The following WWTR1 variants were observed in gnomAD, a reference collection of about 807,000 sequenced individuals.
The protein encoded by WWTR1 is WW domain containing transcription regulator 1.
Under a neutral mutation model 40.1 loss-of-function variants are expected in WWTR1, and 13 were observed. The observed-to-expected ratio is 0.32, with a 90% CI of 0.21 to 0.52. The LOEUF is 0.52. Among genes scored for constraint, WWTR1 ranks in the 20% least tolerant of loss-of-function variants. The pLI is 0.97. For missense variants in WWTR1, 436 were observed against 523.1 expected, an observed-to-expected ratio of 0.83 and a Z score of 1.63; for synonymous variants, 230 against 210.1, an observed-to-expected ratio of 1.09 and a Z score of -0.82.
chr3:149,702,159 T>C (rs1198034214), intron 1 of WWTR1: 1 of 156,900 alleles, frequency 6.4e-6, no homozygotes, highest in Non-Finnish European at 1.4e-5. Context: ...TGAAAGGTGA[T>C]TTGCTGGGCT....
chr3:149,669,796 T>C (rs1384284548), exon 2 of WWTR1: 3 of 152,100 alleles, frequency 2.0e-5, no homozygotes. Flanking sequence ...ACCTGGAAAA[T>C]CACTAGTAAG....
intron 6 of WWTR1, among the ~76,000 whole-genome samples, chr3:149,521,379 G>C (rs939902035): frequency 6.6e-6 from 1 of 152,128 alleles, no homozygotes; most frequent in Non-Finnish European, 1.5e-5. Context: ...CCTTCTTTAT[G>C]TTCAAAGAGA....
At chr3:149,640,418 T>C (rs59355492) in intron 2 of WWTR1, among the ~76,000 whole-genome samples, 2,529 of 152,066 alleles carry the variant, frequency 0.017, 72 homozygotes, top group African/African-American at 0.058. Flanking sequence ...CAATATAGAT[T>C]GGTTTTGTTT....
At chr3:149,650,960 G>A (rs925837963) in intron 2 of WWTR1, among the ~76,000 whole-genome samples, 6 of 152,164 alleles carry the variant, frequency 3.9e-5, no homozygotes, top group African/African-American at 1.2e-4. Flanking sequence ...TTCTGATTTT[G>A]GCTGGGTAAA....
intron 4 of WWTR1, among the ~76,000 whole-genome samples, chr3:149,541,936 A>G (rs746002998): frequency 2.6e-5 from 4 of 152,194 alleles, no homozygotes; most frequent in Non-Finnish European, 4.4e-5. Context: ...GTAGAGCAGA[A>G]GAATATCCCA....
intron 1 of WWTR1, among the ~76,000 whole-genome samples, chr3:149,684,117 TAA>T (rs1372308395): frequency 6.6e-6 from 1 of 152,172 alleles, no homozygotes; most frequent in Non-Finnish European, 1.5e-5. Flanking sequence ...GGTGTAGAAA[TAA>T]TAAAGGTATT....
At chr3:149,616,549 TCTC>T (rs1165782318) in intron 2 of WWTR1, among the ~76,000 whole-genome samples, 2 of 151,974 alleles carry the variant, frequency 1.3e-5, no homozygotes, top group African/African-American at 4.8e-5. Context: ...TTCAAGCAAT[TCTC>T]CTGCCTCAGC....
intron 1 of WWTR1, among the ~76,000 whole-genome samples, chr3:149,693,574 C>T (rs999166296): frequency 6.6e-6 from 1 of 152,152 alleles, no homozygotes; most frequent in Non-Finnish European, 1.5e-5. Context: ...TACTTGACTT[C>T]AAATTATATC....
At chr3:149,577,244 G>C (rs1046798469) in intron 2 of WWTR1, among the ~76,000 whole-genome samples, 1 of 152,104 alleles carries the variant, frequency 6.6e-6, no homozygotes, top group Non-Finnish European at 1.5e-5. Context: ...CAAATCAGGG[G>C]ACAAATGGAA....
At chr3:149,689,414 GA>G (rs3044082) in intron 1 of WWTR1, among the ~76,000 whole-genome samples, 31 of 109,528 alleles carry the variant, frequency 2.8e-4, no homozygotes, top group Non-Finnish European at 2.9e-4. Flanking sequence ...AAAGAAGACA[GA>G]AAAAAAAAAA....
At chr3:149,708,750 T>C (rs1181848674) in intron 5 of WWTR1, among the ~76,000 whole-genome samples, 1 of 152,244 alleles carries the variant, frequency 6.6e-6, no homozygotes, top group Non-Finnish European at 1.5e-5. Context: ...TCTTGACTAT[T>C]GTGAATAGTG....
intron 4 of WWTR1, among the ~76,000 whole-genome samples, chr3:149,717,888 TATTC>T (rs1016988881): frequency 1.3e-5 from 2 of 152,098 alleles, no homozygotes; most frequent in African/African-American, 2.4e-5. Context: ...TACTTGTGAG[TATTC>T]ATTCATGTTT....
chr3:149,603,388 C>T (rs558379174), intron 2 of WWTR1, among the ~76,000 whole-genome samples: 1 of 152,268 alleles, frequency 6.6e-6, no homozygotes, highest in East Asian at 1.9e-4. Flanking sequence ...ATTTTGACAT[C>T]TTAATGAAGA....
intron 2 of WWTR1, among the ~76,000 whole-genome samples, chr3:149,606,194 T>C (rs1357494494): frequency 6.6e-6 from 1 of 152,206 alleles, no homozygotes; most frequent in Non-Finnish European, 1.5e-5. Flanking sequence ...ATGTTTGTTG[T>C]TTCCTGAGCC....
chr3:149,721,360 C>A (rs2108238380), intron 4 of WWTR1, among the ~76,000 whole-genome samples: 1 of 152,338 alleles, frequency 6.6e-6, no homozygotes, highest in Middle Eastern at 3.4e-3. Context: ...TTGGGATGAT[C>A]ATGTGGCTTT....
At chr3:149,707,267 T>C (rs1390707659), upstream of WWTR1, among the ~76,000 whole-genome samples, 1 of 152,186 alleles carries the variant, frequency 6.6e-6, no homozygotes, top group Non-Finnish European at 1.5e-5. Flanking sequence ...GCAAGCTGTC[T>C]TTGATCAAAG....
At chr3:149,651,784 T>A (rs535552572) in intron 2 of WWTR1, among the ~76,000 whole-genome samples, 346 of 151,668 alleles carry the variant, frequency 2.3e-3, no homozygotes, top group African/African-American at 8.0e-3. Context: ...AGGCAATGAA[T>A]CATTTCACAG....
intron 1 of WWTR1, among the ~76,000 whole-genome samples, chr3:149,678,425 T>C (rs1714345007): frequency 6.6e-6 from 1 of 152,138 alleles, no homozygotes; most frequent in African/African-American, 2.4e-5. Context: ...CCTTTTTCCA[T>C]AATGGCCAGT....
At chr3:149,617,619 G>C (rs1740047786) in intron 2 of WWTR1, among the ~76,000 whole-genome samples, 1 of 152,210 alleles carries the variant, frequency 6.6e-6, no homozygotes, top group Admixed American at 6.5e-5. Context: ...GGCCAACATG[G>C]TGAAATCCTG....
Sources: allele counts gnomAD v4.1 joint callset (sites outside exome capture counted in the v4.1 genomes callset), GRCh38; gene constraint gnomAD v4.1.1; transcripts MANE v1.5; gene names NCBI Gene and HGNC (gene_info 2026-07-23, HGNC 2026-07-21).